HOOK2: variants seen among roughly 807,000 people sequenced by gnomAD.
HOOK2 encodes the protein hook microtubule tethering protein 2.
In HOOK2, 108 loss-of-function variants were observed where a neutral mutation model predicts 111.9. That is an observed-to-expected ratio of 0.96 (90% confidence interval 0.83 to 1.13). The LOEUF is 1.13. Ranked by LOEUF, HOOK2 falls within the 50% of genes most tolerant of loss-of-function variation. The pLI is 0.00. For synonymous variants in HOOK2, 405 were observed against 394.3 expected (o/e 1.03, Z -0.32); for missense variants, 978 against 951.3 (o/e 1.03, Z -0.37).
intron 3 of HOOK2, 187 bp from the exon 4 acceptor site, chr19:12,773,231 C>CTTTTTTTTTTTTTGTTT: frequency 4.0e-6 from 1 of 251,040 alleles, no homozygotes; most frequent in Non-Finnish European, 7.4e-6. Flanking sequence ...ATCTTTGTTT[C>CTTTTTTTTTTTTTGTTT]TTTTTTTTTT....
upstream of HOOK2, among the ~76,000 whole-genome samples, chr19:12,780,772 A>C (rs1391359918): frequency 2.5e-5 from 3 of 122,188 alleles, no homozygotes; most frequent in East Asian, 2.8e-4. Context: ...AGGTCAGGAG[A>C]TCGAGACCAT....
Position 12,771,437 on chromosome 19 carries a change from C to G in HOOK2, c.560G>C (p.Gly187Ala). ...YYFLSEEAEE[G>A]DELQQRCLDL... ...CAGACAGCGCTGCTGTAATTCGTCC[C>G]CCTCCTCAGCCTCCTCACTTAGGAA... The change falls in exon 8 of 23, where the codon GGG becomes GCG. Residue 187 changes from glycine (G) to alanine (A), a missense_variant. Transcript: ENST00000397668. 1 of 1,613,668 alleles carries G rather than the reference C, an allele frequency of 6.2e-7. No individual in the cohort carries two copies. Among genetic ancestry groups the G allele is most frequent in the Non-Finnish European group, 8.5e-7 (1 of 1,179,844 alleles).
rs749248636 is a variant in HOOK2, at chr19:12,791,971, G to C, written n.42-17746C>G. 5 of 1,611,416 alleles carry C rather than the reference G, an allele frequency of 3.1e-6. No individual in the cohort carries two copies. The Admixed American group carries it at 8.4e-5, about 27-fold the overall frequency. On this transcript the variant is annotated intron_variant and non_coding_transcript_variant, in intron 3 of 3. Coordinates refer to the HOOK2 transcript ENST00000589765. The surrounding 1 kb of genome is among the most constrained non-coding windows in gnomAD (Gnocchi z 7.0). ...GGCCCAGAGGGCGGCGGTGGCGGCAGCTACTTTTCTGGTCAGGGCTCGGAC... is the reference window on the plus strand; with the variant it reads ...GGCCCAGAGGGCGGCGGTGGCGGCACCTACTTTTCTGGTCAGGGCTCGGAC...
upstream of HOOK2, among the ~76,000 whole-genome samples, chr19:12,776,000 C>A (rs1755558790): frequency 6.7e-6 from 1 of 148,576 alleles, no homozygotes; most frequent in Non-Finnish European, 1.5e-5. Flanking sequence ...GCCTCAGCCT[C>A]CCGAGTAGCT....
upstream of HOOK2, among the ~76,000 whole-genome samples, chr19:12,775,873 CTTTTT>C (rs775787302): frequency 9.6e-6 from 1 of 103,832 alleles, no homozygotes. Context: ...TAAGTAAATT[CTTTTT>C]TTTTTTTTTT....
At chr19:12,765,778 TC>T in intron 17 of HOOK2, 50 bp downstream of exon 17, 7 of 1,614,066 alleles carry the variant, frequency 4.3e-6, no homozygotes, top group Non-Finnish European at 5.9e-6. Context: ...CCCTAATTCT[TC>T]CTTCCCAGGG....
intron 3 of HOOK2, chr19:12,792,131 T>TGCAGGGGGC (rs555879172): frequency 1.1e-5 from 18 of 1,598,076 alleles, no homozygotes; most frequent in Non-Finnish European, 1.4e-5. Flanking sequence ...GCGGTGGAGG[T>TGCAGGGGGC]GCAGGGGGCG....
chr19:12,763,620 A>G (rs1231281422), intron 21 of HOOK2, 21 bp from the exon 22 acceptor site: 3 of 1,614,232 alleles, frequency 1.9e-6, no homozygotes, highest in Non-Finnish European at 2.5e-6. Flanking sequence ...GGCAAGTGTC[A>G]GGGGCCTAGA....
intron 9 of HOOK2, 38 bp downstream of exon 9, chr19:12,771,120 TC>T: frequency 6.2e-7 from 1 of 1,611,140 alleles, no homozygotes; most frequent in South Asian, 1.1e-5. Flanking sequence ...CCTCCCCCGG[TC>T]CCCTGGCTTG....
upstream of HOOK2, among the ~76,000 whole-genome samples, chr19:12,781,192 A>T (rs1968598050): frequency 7.3e-6 from 1 of 137,460 alleles, no homozygotes; most frequent in African/African-American, 2.7e-5. Flanking sequence ...GGTCCCAGCT[A>T]CTCGGGAGGC....
chr19:12,784,771 C>T (rs1469873830), intron 3 of HOOK2: 1 of 152,298 alleles, frequency 6.6e-6, no homozygotes, highest in Non-Finnish European at 1.5e-5. Context: ...TCCTGACACG[C>T]AAGAGAAGGC....
chr19:12,782,555 T>A (rs1968613962), upstream of HOOK2, among the ~76,000 whole-genome samples: 1 of 152,060 alleles, frequency 6.6e-6, no homozygotes, highest in Non-Finnish European at 1.5e-5. Flanking sequence ...GTGCGTGACG[T>A]GAGACACGAC....
chr19:12,782,736 C>T (rs1048363281), upstream of HOOK2, among the ~76,000 whole-genome samples: 8 of 152,160 alleles, frequency 5.3e-5, no homozygotes, highest in African/African-American at 1.9e-4. Context: ...GACCTTGGGG[C>T]GCCGGTGAAA....
rs749612153 is a variant in HOOK2, at chr19:12,767,795, C to T, written c.1303+21G>A. 43 of 1,596,562 alleles carry T rather than the reference C, an allele frequency of 2.7e-5. No homozygotes were observed. The East Asian group carries it at 2.9e-4, about 11-fold the overall frequency. Reference sequence around the variant, plus strand: ...CAGTACACCAGGACAGGTAAGACCCCGGGATGGGGCTTCATCTCACCGGCC... The same window carrying T: ...CAGTACACCAGGACAGGTAAGACCCTGGGATGGGGCTTCATCTCACCGGCC... On this transcript the variant is annotated intron_variant, in intron 13 of 22. Transcript: ENST00000397668.
chr19:12,770,202 AG>A (rs1968276650), intron 10 of HOOK2, 120 bp from the exon 11 acceptor site: 1 of 852,572 alleles, frequency 1.2e-6, no homozygotes, highest in African/African-American at 1.8e-5. Context: ...TTCAAGGTGA[AG>A]GGGTCATGAA....
chr19:12,791,509 A>T lies in HOOK2; in HGVS notation n.42-17284T>A, dbSNP rs1489199595. ...CTGGGACCTTGAGAGCGGCCAGGCC[A>T]GCCTCGGAGCCAGCAGGGAGCTGGG... On this transcript the variant is annotated intron_variant and non_coding_transcript_variant, in intron 3 of 3. Coordinates refer to the HOOK2 transcript ENST00000589765. The surrounding 1 kb of genome is among the most constrained non-coding windows in gnomAD (Gnocchi z 7.0). The T allele has an allele frequency of 2.4e-6, 1 of 422,468 alleles. No individual in the cohort carries two copies. The highest frequency in any genetic ancestry group is 4.1e-5 in the East Asian group (1 of 24,392). The allele number at this position is 422,468 out of a possible 1,614,324, so 26.2% of individuals were successfully genotyped here.
At position 12,769,877 on chromosome 19, in the gene HOOK2, G is replaced by A. The variant is rs1195331384; in HGVS notation, c.1104+4C>T. ...CCCCGGCCCTAACCCCGCCCCCGCC[G>A]CACCTGCCGCCGCTGCGCCTCCAGC... On this transcript the variant is annotated splice_donor_region_variant and intron_variant, in intron 11 of 22. Coordinates refer to ENST00000397668, the MANE Select transcript of HOOK2 (RefSeq NM_013312.3). 2.1e-6 allele frequency: 3 copies of A among 1,439,576 alleles called. No individual in the cohort carries two copies. The highest frequency in any genetic ancestry group is 2.8e-5 in the South Asian group (2 of 70,678). 89.2% of individuals were successfully genotyped at this position (1,439,576 alleles called of 1,614,324 possible).
At chr19:12,783,194 T>A (rs1377115540), upstream of HOOK2, among the ~76,000 whole-genome samples, 1 of 151,802 alleles carries the variant, frequency 6.6e-6, no homozygotes, top group African/African-American at 2.4e-5. Context: ...CTGGGACCCC[T>A]ACAGACAGTG....
In HOOK2 at chr19:12,767,861, C is replaced by T; in HGVS notation, c.1258G>A (p.Glu420Lys). ...ERDSLREANE[E>K]LRCAQLQPRG... ...GGCTGCAGCTGGGCGCAGCGCAGCT[C>T]CTCATTGGCCTCCCGCAAGGAGTCC... The change falls in exon 13 of 23, where the codon GAG (glutamate) becomes AAG (lysine). Residue 420 changes from glutamate to lysine, a missense_variant. Transcript: ENST00000397668. The T allele has an allele frequency of 3.1e-6, 5 of 1,607,558 alleles. No homozygotes were observed. The highest frequency in any genetic ancestry group is 4.2e-6 in the Non-Finnish European group (5 of 1,179,916).
Sources: allele counts gnomAD v4.1 joint callset (sites outside exome capture counted in the v4.1 genomes callset), GRCh38; gene constraint gnomAD v4.1.1; non-coding constraint Gnocchi (gnomAD v3.1); transcripts MANE v1.5; gene names NCBI Gene and HGNC (gene_info 2026-07-23, HGNC 2026-07-21).